The following SLC30A4 variants were observed in gnomAD, a reference collection of about 807,000 sequenced individuals.
The protein encoded by SLC30A4 is solute carrier family 30 member 4, also known as probable proton-coupled zinc antiporter SLC30A4.
In SLC30A4, 20 loss-of-function variants were observed where a neutral mutation model predicts 41.7. The ratio of observed to expected loss-of-function variants is 0.48; its 90% CI spans 0.34 to 0.70. SLC30A4 has a LOEUF of 0.70. Ranked by LOEUF, SLC30A4 falls within the 30% of genes least tolerant of loss-of-function variation. The pLI is 0.01. For missense variants in SLC30A4, 441 were observed against 529.3 expected (o/e 0.83, Z 1.64); for synonymous variants, 181 against 195.9 (o/e 0.92, Z 0.64).
intron 2 of SLC30A4, among the ~76,000 whole-genome samples, chr15:45,517,345 C>CTTTT (rs1166130286): frequency 8.2e-3 from 536 of 65,440 alleles, no homozygotes; most frequent in Middle Eastern, 0.031. Flanking sequence ...CCAATCCATT[C>CTTTT]TTTTTTTTTT....
At position 45,487,457 on chromosome 15, in the gene SLC30A4, A is replaced by C. The variant is rs951080509; in HGVS notation, c.1000+70T>G. 1.2e-4 allele frequency: 91 copies of C among 770,022 alleles called. 2 individuals carry two copies. In the South Asian group the frequency reaches 1.3e-3, roughly 11 times the overall value. The allele number at this position is 770,022 out of a possible 1,614,324, so 47.7% of individuals were successfully genotyped here. ...AGCAAAAGATGTAATTCCTATTCAGAATGTCCCCTGACTCCCAATCTGCTT... is the reference window on the plus strand; with the variant it reads ...AGCAAAAGATGTAATTCCTATTCAGCATGTCCCCTGACTCCCAATCTGCTT... On this transcript the variant is annotated intron_variant, in intron 6 of 7. Coordinates refer to ENST00000261867, the MANE Select transcript of SLC30A4 (RefSeq NM_013309.6).
rs142274689 is a variant in SLC30A4, at chr15:45,514,136, G to A, written c.392-2852C>T. ...TGAGGCGGGCAGATCACCTGAGGTC[G>A]GGAGTTCGAGACCAGCCTGACCAAT... is the stretch of plus-strand genomic sequence containing the variant. On this transcript the variant is annotated intron_variant, in intron 2 of 7. Coordinates refer to ENST00000261867, the MANE Select transcript of SLC30A4 (RefSeq NM_013309.6). 6.4e-3 allele frequency among the ~76,000 whole-genome samples: 977 copies of A among 152,050 alleles called. 10 individuals are homozygous for A. The highest frequency in any genetic ancestry group is 0.022 in the African/African-American group (904 of 41,494).
intron 3 of SLC30A4, among the ~76,000 whole-genome samples, chr15:45,499,249 T>C (rs1891968062): frequency 6.6e-6 from 1 of 152,066 alleles, no homozygotes; most frequent in African/African-American, 2.4e-5. Flanking sequence ...TTTTTTTGTA[T>C]TTTTAGTAGA....
In SLC30A4 at chr15:45,488,888, C is replaced by A. The variant is rs2140813769; in HGVS notation, c.847G>T (p.Val283Leu). ...GCTATTAGCACACCAACACTCTGTA[C>A]CAAATCTCCCAAAGCATGTACAAAT... The part of the protein sequence containing the change: ...AAFVHALGDL[V>L]QSVGVLIAAY... Residue 283 changes from valine (V) to leucine (L), a missense_variant, in exon 5 of 8, where the codon GTA becomes TTA. By Grantham distance (32) the Val-to-Leu change is conservative. Around this residue, in one of 3 missense-constraint regions of SLC30A4, gnomAD observed 29 missense variants for 66.4 expected, o/e 0.44. Transcript: ENST00000261867. 6.2e-7 allele frequency: 1 copy of A among 1,614,048 alleles called. No individual in the cohort carries two copies. The highest frequency in any genetic ancestry group is 1.1e-5 in the South Asian group (1 of 91,072).
At position 45,522,024 on chromosome 15, in the gene SLC30A4, T is replaced by G. The variant is rs1458550688; in HGVS notation, c.331A>C (p.Lys111Gln). The stretch of plus-strand genomic sequence containing the variant: ...ACGGCAGCAATGGTCAACCTGGCTT[T>G]CACCTTTCTCTGCTTCAGTATCTCT... ...QREILKQRKVKARLTIAAVLY... is the reference protein window; with the variant it reads ...QREILKQRKVQARLTIAAVLY... The change falls in exon 2 of 8, where the codon AAA (lysine) becomes CAA (glutamine). Residue 111 changes from lysine (K) to glutamine (Q), a missense_variant. Physicochemically the swap from Lys to Gln is moderately conservative, Grantham distance 53 (BLOSUM62 1). Around this residue, in one of 3 missense-constraint regions of SLC30A4, gnomAD observed 312 missense variants for 341.9 expected, o/e 0.91. Transcript: ENST00000261867. The G allele has an allele frequency of 1.2e-6, 2 of 1,614,242 alleles. No individual in the cohort carries two copies. The highest frequency in any genetic ancestry group is 2.2e-5 in the South Asian group (2 of 91,076).
intron 2 of SLC30A4, among the ~76,000 whole-genome samples, chr15:45,514,538 A>ACC (rs1491348952): frequency 4.4e-5 from 6 of 135,076 alleles, no homozygotes; most frequent in Non-Finnish European, 7.8e-5. Context: ...TTTTTGAGAC[A>ACC]GAGTCTCACT....
chr15:45,519,585 C>T (rs778021840), intron 2 of SLC30A4: 1 of 152,112 alleles, frequency 6.6e-6, no homozygotes, highest in African/African-American at 2.4e-5. Flanking sequence ...ATTGTTAATG[C>T]TTACCCTAAG....
At chr15:45,511,634 C>T (rs1892293825) in intron 2 of SLC30A4, among the ~76,000 whole-genome samples, 1 of 152,146 alleles carries the variant, frequency 6.6e-6, no homozygotes, top group African/African-American at 2.4e-5. Flanking sequence ...CAGGCACGTG[C>T]CACCACGCCC....
At chr15:45,487,144 CAA>C (rs570100970) in intron 6 of SLC30A4, among the ~76,000 whole-genome samples, 1 of 152,024 alleles carries the variant, frequency 6.6e-6, no homozygotes, top group Non-Finnish European at 1.5e-5. Flanking sequence ...GTAAATACAA[CAA>C]AGTCACAAGT....
chr15:45,497,195 G>T (rs1417689177), intron 3 of SLC30A4: 1 of 152,100 alleles, frequency 6.6e-6, no homozygotes, highest in Non-Finnish European at 1.5e-5. Context: ...AGCCTCCCGA[G>T]TAGCTGGAAT....
At chr15:45,509,543 C>G (rs1393009139) in intron 3 of SLC30A4, among the ~76,000 whole-genome samples, 1 of 151,974 alleles carries the variant, frequency 6.6e-6, no homozygotes, top group Admixed American at 6.6e-5. Context: ...CGTGAGCCAC[C>G]GTGCCTGGCC....
intron 3 of SLC30A4, among the ~76,000 whole-genome samples, chr15:45,491,437 G>GT (rs1408546034): frequency 6.6e-6 from 1 of 152,204 alleles, no homozygotes; most frequent in Non-Finnish European, 1.5e-5. Flanking sequence ...TCAAAAGTCA[G>GT]TAACAGGTAA....
Position 45,479,864 on chromosome 15 carries a change from T to C in SLC30A4, c.*5299A>G, listed in dbSNP as rs1007038902. ...ACATATATATATATATATATATACT[T>C]TGATCTTAATTAACATGGACAAACC... On this transcript the variant is annotated 3_prime_UTR_variant, in exon 8 of 8. Coordinates refer to ENST00000261867, the MANE Select transcript of SLC30A4 (RefSeq NM_013309.6). The C allele has an allele frequency of 7.9e-5, 12 of 151,320 alleles. No homozygotes were observed. The highest frequency in any genetic ancestry group is 1.9e-4 in the African/African-American group (8 of 41,234). 9.4% of individuals were successfully genotyped at this position (151,320 alleles called of 1,614,324 possible). A position where few individuals can be genotyped will look rare whatever the true frequency, so the allele number is the denominator to read the frequency against.
intron 3 of SLC30A4, among the ~76,000 whole-genome samples, chr15:45,503,923 G>A (rs1487727393): frequency 6.6e-6 from 1 of 152,028 alleles, no homozygotes; most frequent in East Asian, 1.9e-4. Context: ...TCCAGCCTGG[G>A]CAACAAGAGT....
chr15:45,522,371 C>T lies in SLC30A4; in HGVS notation c.-17G>A. Reference sequence around the variant, plus strand: ...GCCGGCCATGGCAGAGGCTGAGCGGCCGCGGTGCGGAACGGCTTGGGGGAG... The same window carrying T: ...GCCGGCCATGGCAGAGGCTGAGCGGTCGCGGTGCGGAACGGCTTGGGGGAG... On this transcript the variant is annotated 5_prime_UTR_variant, in exon 2 of 8. Transcript: ENST00000261867. 1 of 1,588,172 alleles carries T rather than the reference C, an allele frequency of 6.3e-7. No individual in the cohort carries two copies.
Position 45,483,504 on chromosome 15 carries a change from C to G in SLC30A4, c.*1659G>C, listed in dbSNP as rs921152128. 4.6e-5 allele frequency: 7 copies of G among 152,184 alleles called. No homozygotes were observed. The highest frequency in any genetic ancestry group is 2.0e-4 in the Admixed American group (3 of 15,280). The allele number at this position is 152,184 out of a possible 1,614,324, so 9.4% of individuals were successfully genotyped here. ...AACACAGGCATTTACAATTAGGTTG[C>G]CTTCAGTTTGGAAACCTCTGTTTAG... On this transcript the variant is annotated 3_prime_UTR_variant, in exon 8 of 8. Transcript: ENST00000261867.
rs763212962 is a variant in SLC30A4, at chr15:45,521,958, A to T, written c.391+6T>A. On this transcript the variant is annotated splice_donor_region_variant and intron_variant, in intron 2 of 7. Coordinates refer to ENST00000261867, the MANE Select transcript of SLC30A4 (RefSeq NM_013309.6). ...AAACGGAAAGTGAGTTGGCAACACA[A>T]CTCACCTACAAGTTCTCCAATCATG... 23 of 1,609,338 alleles carry T rather than the reference A, an allele frequency of 1.4e-5. No homozygotes were observed. In the Admixed American group the frequency reaches 3.8e-4, roughly 27 times the overall value.
intron 3 of SLC30A4, among the ~76,000 whole-genome samples, chr15:45,501,617 C>T (rs1389858440): frequency 1.3e-5 from 2 of 152,262 alleles, no homozygotes; most frequent in Non-Finnish European, 2.9e-5. Context: ...CCTCCTGCCT[C>T]AGCCTCCTGA....
chr15:45,488,288 T>A (rs1265201230), intron 5 of SLC30A4, among the ~76,000 whole-genome samples: 1 of 152,284 alleles, frequency 6.6e-6, no homozygotes, highest in Admixed American at 6.5e-5. Context: ...AATTGAGTTA[T>A]CTGGGCAATC....
Sources: gnomAD v4.1 joint callset for allele counts (sites outside exome capture counted in the v4.1 genomes callset) on GRCh38, gnomAD v4.1.1 for gene constraint, gnomAD v4.1.1 regional missense constraint, MANE v1.5 for transcripts, NCBI Gene and HGNC (gene_info 2026-07-23, HGNC 2026-07-21) for gene names.